TOP6BL: variants seen among roughly 807,000 people sequenced by gnomAD.
The protein encoded by TOP6BL is TOP6B like initiator of meiotic double strand breaks.
At chr11:66,765,350 ACT>A in the TOP6BL span, among the ~76,000 whole-genome samples, 9 of 152,218 alleles carry the variant, frequency 5.9e-5, no homozygotes, top group Non-Finnish European at 1.2e-4. Flanking sequence ...TGAGTGGCTA[ACT>A]CTTCGTACAA....
chr11:66,831,687 A>T, the TOP6BL span, among the ~76,000 whole-genome samples: 2 of 152,162 alleles, frequency 1.3e-5, no homozygotes, highest in Non-Finnish European at 2.9e-5. Flanking sequence ...AGGTATGCAC[A>T]TGTGTACTTA....
the TOP6BL span, among the ~76,000 whole-genome samples, chr11:66,820,812 C>A: frequency 6.6e-6 from 1 of 152,140 alleles, no homozygotes. Flanking sequence ...AACAGGATCC[C>A]TTATTTGTTT....
At chr11:66,806,647 A>G in the TOP6BL span, among the ~76,000 whole-genome samples, 1 of 152,148 alleles carries the variant, frequency 6.6e-6, no homozygotes, top group African/African-American at 2.4e-5. Context: ...ACATGACTGT[A>G]GTCCCAGCTA....
chr11:66,779,864 C>G, the TOP6BL span, among the ~76,000 whole-genome samples: 9 of 152,158 alleles, frequency 5.9e-5, no homozygotes, highest in Non-Finnish European at 1.2e-4. Flanking sequence ...TTTGTAGGGA[C>G]ATGGATGAAG....
chr11:66,793,016 A>T, the TOP6BL span, among the ~76,000 whole-genome samples: 2 of 152,170 alleles, frequency 1.3e-5, no homozygotes, highest in African/African-American at 2.4e-5. Flanking sequence ...TTTAATTACC[A>T]CTGTTAACAT....
At chr11:66,822,495 C>T in the TOP6BL span, 11 of 976,998 alleles carry the variant, frequency 1.1e-5, no homozygotes, top group African/African-American at 1.6e-4. Flanking sequence ...AATGTGTGGG[C>T]CCTCTGGGAT....
chr11:66,814,778 T>G, the TOP6BL span, among the ~76,000 whole-genome samples: 3 of 152,310 alleles, frequency 2.0e-5, no homozygotes, highest in South Asian at 2.1e-4. Flanking sequence ...ATAAAATTCC[T>G]TAGAAAAAGT....
the TOP6BL span, chr11:66,842,879 T>A: frequency 6.3e-7 from 1 of 1,574,982 alleles, no homozygotes; most frequent in Admixed American, 1.8e-5. Flanking sequence ...AACAAGAGGC[T>A]CAAGAGGGGC....
chr11:66,756,353 G>T, the TOP6BL span: 1 of 1,183,370 alleles, frequency 8.5e-7, no homozygotes, highest in Admixed American at 3.4e-5. Context: ...TTTTTCTCAG[G>T]ATGGAGTCTC....
At chr11:66,759,624 C>A in the TOP6BL span, among the ~76,000 whole-genome samples, 1 of 152,164 alleles carries the variant, frequency 6.6e-6, no homozygotes, top group Non-Finnish European at 1.5e-5. Flanking sequence ...CACTCTGTCA[C>A]CCAGGCTGGA....
At chr11:66,833,111 C>CG in the TOP6BL span, among the ~76,000 whole-genome samples, 2 of 142,994 alleles carry the variant, frequency 1.4e-5, no homozygotes, top group Admixed American at 7.5e-5. Flanking sequence ...GCAGTGGCAA[C>CG]GATCTTGGCT....
the TOP6BL span, among the ~76,000 whole-genome samples, chr11:66,791,515 CAA>C: frequency 6.6e-6 from 1 of 151,798 alleles, no homozygotes; most frequent in African/African-American, 2.4e-5. Flanking sequence ...GGTGAGGGGG[CAA>C]GAGAGAGAGA....
chr11:66,816,300 A>T, the TOP6BL span: 1 of 1,278,316 alleles, frequency 7.8e-7, no homozygotes. Context: ...ATATTTCTGT[A>T]GAATAAATAA....
At chr11:66,838,880 C>T in the TOP6BL span, among the ~76,000 whole-genome samples, 3 of 152,132 alleles carry the variant, frequency 2.0e-5, no homozygotes, top group Non-Finnish European at 2.9e-5. Context: ...CACAGGCGCC[C>T]GCCATCACGC....
chr11:66,772,167 G>A, the TOP6BL span, among the ~76,000 whole-genome samples: 5 of 152,174 alleles, frequency 3.3e-5, no homozygotes, highest in Admixed American at 2.6e-4. Context: ...TGTAAATGTG[G>A]CCCGGCCAGT....
At chr11:66,812,424 C>T in the TOP6BL span, among the ~76,000 whole-genome samples, 1 of 152,144 alleles carries the variant, frequency 6.6e-6, no homozygotes, top group Admixed American at 6.5e-5. Context: ...GATCCGCCCA[C>T]CTCAGCCTCC....
the TOP6BL span, among the ~76,000 whole-genome samples, chr11:66,770,915 T>C: frequency 6.6e-6 from 1 of 152,140 alleles, no homozygotes; most frequent in Admixed American, 6.6e-5. Flanking sequence ...ATTATTATTA[T>C]TTTTTCATTC....
the TOP6BL span, among the ~76,000 whole-genome samples, chr11:66,790,001 C>T: frequency 1.3e-5 from 2 of 152,206 alleles, no homozygotes; most frequent in East Asian, 1.9e-4. Context: ...GGCTGGGCGC[C>T]GTGGCTCACA....
chr11:66,820,686 C>T, the TOP6BL span, among the ~76,000 whole-genome samples: 4 of 152,214 alleles, frequency 2.6e-5, no homozygotes, highest in South Asian at 2.1e-4. Flanking sequence ...TTCACATAGA[C>T]GTAGAGTAGG....
Sources: gnomAD v4.1 joint callset for allele counts (sites outside exome capture counted in the v4.1 genomes callset) on GRCh38, gnomAD v4.1.1 for gene constraint, MANE v1.5 for transcripts, NCBI Gene and HGNC (gene_info 2026-07-23, HGNC 2026-07-21) for gene names.